NALF1: variants seen among roughly 807,000 people sequenced by gnomAD.
NALF1 encodes the protein family with sequence similarity 155 member A.
NALF1 carries 3 observed loss-of-function variants against 48.4 expected under a neutral mutation model. That is an observed-to-expected ratio of 0.06 (90% CI 0.03 to 0.16). The LOEUF (loss-of-function observed/expected upper bound fraction) is 0.16, where lower values mean the gene tolerates loss of function less well. NALF1 is among the 10% of genes least tolerant of loss of function. The probability of loss-of-function intolerance (pLI) is 1.00; values close to 1 mark genes in which losing one functional copy is unlikely to be tolerated. For missense variants in NALF1, 526 were observed against 571.5 expected, an observed-to-expected ratio of 0.92 and a Z score of 0.81; for synonymous variants, 262 against 245.7, an observed-to-expected ratio of 1.07 and a Z score of -0.62.
Position 107,822,487 on chromosome 13 carries a change from G to A in NALF1, c.915+43195C>T, listed in dbSNP as rs538289200. Among the ~76,000 whole-genome samples the A allele has an allele frequency of 2.0e-5, 3 of 152,098 alleles. No homozygotes were observed. In the South Asian group the frequency reaches 6.2e-4, roughly 32 times the overall value. On this transcript the variant is annotated intron_variant, in intron 1 of 2. Coordinates refer to ENST00000375915, the MANE Select transcript of NALF1 (RefSeq NM_001080396.3). The stretch of plus-strand genomic sequence containing the variant: ...CTGAATCAGAAATCCTGGAGAGTGA[G>A]GTACAGGAATCTATGGCCTAATGAG...
Position 107,736,194 on chromosome 13 carries a change from TAC to T in NALF1, c.915+129486_915+129487del, listed in dbSNP as rs891269318. ...ATACGCATGCATACACACACACACATACACACACACACACACACACACACACA... is the reference window on the plus strand; with the variant it reads ...ATACGCATGCATACACACACACACATACACACACACACACACACACACACA... On this transcript the variant is annotated intron_variant, in intron 1 of 2. Transcript: ENST00000375915. 8.9e-3 allele frequency among the ~76,000 whole-genome samples: 305 copies of T among 34,414 alleles called. 2 individuals carry two copies. Among genetic ancestry groups the T allele is most frequent in the African/African-American group, 0.027 (288 of 10,696 alleles). 22.6% of individuals were successfully genotyped at this position (34,414 alleles called of 152,430 possible).
intron 1 of NALF1, among the ~76,000 whole-genome samples, chr13:107,543,691 A>G (rs182928884): frequency 4.6e-5 from 7 of 152,162 alleles, no homozygotes; most frequent in Admixed American, 2.0e-4. Flanking sequence ...ATACGCGTAT[A>G]TACACGTATA....
At chr13:107,408,904 C>G (rs538002548) in intron 1 of NALF1, among the ~76,000 whole-genome samples, 107 of 152,224 alleles carry the variant, frequency 7.0e-4, no homozygotes, top group Admixed American at 9.2e-4. Flanking sequence ...ACTAGTTTTT[C>G]TAAATCCTGT....
chr13:107,256,437 A>C (rs1880816802), intron 1 of NALF1, among the ~76,000 whole-genome samples: 1 of 152,216 alleles, frequency 6.6e-6, no homozygotes, highest in Admixed American at 6.5e-5. Context: ...TCTAATCTTT[A>C]AGTGATGGAG....
intron 1 of NALF1, among the ~76,000 whole-genome samples, chr13:107,731,697 T>C (rs1313538777): frequency 2.0e-5 from 3 of 152,130 alleles, no homozygotes; most frequent in African/African-American, 7.2e-5. Flanking sequence ...GATGATGGCC[T>C]CCAGCTTCAT....
At chr13:107,687,823 G>C (rs985999581) in intron 1 of NALF1, among the ~76,000 whole-genome samples, 2 of 152,164 alleles carry the variant, frequency 1.3e-5, no homozygotes, top group Admixed American at 6.5e-5. Flanking sequence ...TATGTCAAGT[G>C]CTCAGTAGCC....
intron 1 of NALF1, among the ~76,000 whole-genome samples, chr13:107,440,522 CATA>C (rs1884540569): frequency 2.6e-5 from 4 of 152,228 alleles, no homozygotes; most frequent in African/African-American, 9.6e-5. Flanking sequence ...TAAAGTCAGT[CATA>C]ATGTTTGCGC....
intron 1 of NALF1, among the ~76,000 whole-genome samples, chr13:107,423,764 G>A (rs1330086954): frequency 6.6e-6 from 1 of 151,912 alleles, no homozygotes; most frequent in African/African-American, 2.4e-5. Flanking sequence ...AATCAATCTT[G>A]GAGACCAAAA....
intron 1 of NALF1, among the ~76,000 whole-genome samples, chr13:107,737,136 T>A (rs1470300657): frequency 6.6e-6 from 1 of 152,232 alleles, no homozygotes; most frequent in Non-Finnish European, 1.5e-5. Flanking sequence ...ATGGCATTAT[T>A]AATAGCTGCA....
intron 1 of NALF1, among the ~76,000 whole-genome samples, chr13:107,446,405 T>TCACACACACACACACACACA (rs34962012): frequency 5.5e-5 from 8 of 145,990 alleles, no homozygotes; most frequent in African/African-American, 2.0e-4. Context: ...ATAATTAAAT[T>TCACACACACACACACACACA]CACACACACA....
intron 1 of NALF1, among the ~76,000 whole-genome samples, chr13:107,459,873 C>T (rs1030244474): frequency 1.3e-5 from 2 of 152,174 alleles, no homozygotes; most frequent in African/African-American, 4.8e-5. Context: ...TCCCAAGTAG[C>T]TGGGACCACC....
chr13:107,435,794 G>A (rs569943457), intron 1 of NALF1, among the ~76,000 whole-genome samples: 134 of 151,982 alleles, frequency 8.8e-4, no homozygotes, highest in African/African-American at 1.5e-3. Flanking sequence ...GGAAAGCGGC[G>A]GGGGAGGGGG....
intron 1 of NALF1, among the ~76,000 whole-genome samples, chr13:107,526,847 A>G (rs966063081): frequency 6.6e-6 from 1 of 152,146 alleles, no homozygotes; most frequent in African/African-American, 2.4e-5. Context: ...TGTTCAGTAA[A>G]GAAATGAGTC....
At chr13:107,758,026 A>G (rs187847281) in intron 1 of NALF1, among the ~76,000 whole-genome samples, 219 of 152,256 alleles carry the variant, frequency 1.4e-3, no homozygotes, top group Admixed American at 3.0e-3. Flanking sequence ...TATTTCTTTT[A>G]TATATCCAAC....
chr13:107,464,083 C>T (rs1884961277), intron 1 of NALF1, among the ~76,000 whole-genome samples: 2 of 152,304 alleles, frequency 1.3e-5, no homozygotes, highest in African/African-American at 2.4e-5. Context: ...CCCCAAAACT[C>T]ATGCTCACAA....
intron 1 of NALF1, among the ~76,000 whole-genome samples, chr13:107,732,188 A>G (rs1876328552): frequency 6.6e-6 from 1 of 151,990 alleles, no homozygotes; most frequent in Non-Finnish European, 1.5e-5. Flanking sequence ...TACTTACTAT[A>G]TATACTATGT....
intron 1 of NALF1, among the ~76,000 whole-genome samples, chr13:107,728,953 G>T (rs1876235614): frequency 6.6e-6 from 1 of 152,136 alleles, no homozygotes; most frequent in Non-Finnish European, 1.5e-5. Flanking sequence ...AAGACATTTT[G>T]ACTTTCTTGA....
At chr13:107,547,940 G>A (rs1039409012) in intron 1 of NALF1, among the ~76,000 whole-genome samples, 4 of 151,984 alleles carry the variant, frequency 2.6e-5, no homozygotes, top group Non-Finnish European at 5.9e-5. Context: ...AAATAAATAG[G>A]AGATGGCCCA....
intron 1 of NALF1, among the ~76,000 whole-genome samples, chr13:107,700,923 TA>T (rs1349275727): frequency 3.3e-5 from 5 of 151,974 alleles, no homozygotes; most frequent in African/African-American, 1.2e-4. Flanking sequence ...AAATACAAAT[TA>T]AAACTTCTAT....
Sources: gnomAD v4.1 joint callset for allele counts (sites outside exome capture counted in the v4.1 genomes callset) on GRCh38, gnomAD v4.1.1 for gene constraint, MANE v1.5 for transcripts, NCBI Gene and HGNC (gene_info 2026-07-23, HGNC 2026-07-21) for gene names.